The following EPM2A variants were observed in gnomAD, a reference collection of about 807,000 sequenced individuals.
EPM2A encodes the protein EPM2A glucan phosphatase, laforin.
In EPM2A, 21 loss-of-function variants were observed where a neutral mutation model predicts 26.5. That is an observed-to-expected ratio of 0.79 (90% CI 0.56 to 1.14). The LOEUF is 1.14. EPM2A is among the 50% of genes most tolerant of loss of function. EPM2A has a pLI of 0.00. For missense variants in EPM2A, 458 were observed against 440.8 expected (o/e 1.04, Z -0.35); for synonymous variants, 217 against 177.6 (o/e 1.22, Z -1.76).
intron 2 of EPM2A, among the ~76,000 whole-genome samples, chr6:145,581,154 C>T (rs905344486): frequency 1.3e-5 from 2 of 152,158 alleles, no homozygotes; most frequent in African/African-American, 2.4e-5. Context: ...ATTGCAACCT[C>T]ACTAACTTCT....
chr6:145,395,206 C>T (rs1047986032), intron 4 of EPM2A, among the ~76,000 whole-genome samples: 1 of 152,150 alleles, frequency 6.6e-6, no homozygotes, highest in African/African-American at 2.4e-5. Context: ...TCTTTAATGG[C>T]ACAACCTCTA....
chr6:145,493,832 A>C lies in EPM2A; in HGVS notation c.555+8690T>G, dbSNP rs148399099. Among the ~76,000 whole-genome samples the C allele has an allele frequency of 2.3e-3, 343 of 152,338 alleles. 1 individual carries two copies. The highest frequency in any genetic ancestry group is 8.0e-3 in the African/African-American group (331 of 41,580). On this transcript the variant is annotated intron_variant, in intron 4 of 4. Coordinates refer to the EPM2A transcript ENST00000638717. ...AACCAACCTTGCATCCCAAGGATGA[A>C]GCCTAGCTCATCATGGTGGATAAAC... is the stretch of plus-strand genomic sequence containing the variant.
intron 2 of EPM2A, among the ~76,000 whole-genome samples, chr6:145,613,803 G>T (rs1236266661): frequency 6.6e-6 from 1 of 152,124 alleles, no homozygotes; most frequent in African/African-American, 2.4e-5. Context: ...TGTCCTCCAA[G>T]ATTTGTTGTT....
At chr6:145,455,605 G>A (rs1440504358) in intron 4 of EPM2A, among the ~76,000 whole-genome samples, 13 of 152,110 alleles carry the variant, frequency 8.5e-5, no homozygotes, top group Admixed American at 2.6e-4. Flanking sequence ...TGATCCACCC[G>A]CCTCGGCATC....
intron 2 of EPM2A, among the ~76,000 whole-genome samples, chr6:145,580,464 T>C (rs138867487): frequency 2.6e-5 from 4 of 151,942 alleles, no homozygotes; most frequent in Admixed American, 2.6e-4. Context: ...TTTTACTATA[T>C]CTGAATTCAT....
chr6:145,392,170 ATTAG>A (rs1306423905), intron 4 of EPM2A, among the ~76,000 whole-genome samples: 2 of 152,320 alleles, frequency 1.3e-5, no homozygotes, highest in African/African-American at 4.8e-5. Context: ...ACATGCTTAA[ATTAG>A]TTTGTTTATT....
intron 2 of EPM2A, chr6:145,635,864 A>C (rs563901095): frequency 2.5e-4 from 49 of 193,530 alleles, no homozygotes; most frequent in Middle Eastern, 4.7e-3. Context: ...TAATTATATA[A>C]ATAAATTCTG....
chr6:145,682,758 C>G (rs966287965), intron 2 of EPM2A: 5 of 152,048 alleles, frequency 3.3e-5, no homozygotes, highest in African/African-American at 1.2e-4. Flanking sequence ...TTCTAAAAAG[C>G]CTCATCCTTA....
intron 2 of EPM2A, among the ~76,000 whole-genome samples, chr6:145,582,586 TA>T (rs907769630): frequency 6.6e-6 from 1 of 152,242 alleles, no homozygotes; most frequent in African/African-American, 2.4e-5. Context: ...GCCTTTAATA[TA>T]TTTTCTTTCA....
intron 2 of EPM2A, among the ~76,000 whole-genome samples, chr6:145,672,620 C>T (rs1381598744): frequency 6.6e-6 from 1 of 152,252 alleles, no homozygotes. Context: ...GAAACTTTCC[C>T]TCCCCAGTCC....
intron 1 of EPM2A, among the ~76,000 whole-genome samples, chr6:145,724,962 T>A (rs1379799095): frequency 6.6e-6 from 1 of 151,708 alleles, no homozygotes; most frequent in Non-Finnish European, 1.5e-5. Flanking sequence ...AAAAGCATAA[T>A]CCATGAAAGA....
rs189095533 is a variant in EPM2A, at chr6:145,447,589, C to T, written c.555+54933G>A. Among the ~76,000 whole-genome samples the T allele has an allele frequency of 2.1e-3, 318 of 152,094 alleles. 3 individuals carry two copies. The highest frequency in any genetic ancestry group is 6.9e-3 in the African/African-American group (288 of 41,518). On this transcript the variant is annotated intron_variant, in intron 4 of 4. Coordinates refer to the EPM2A transcript ENST00000638717. ...TAAAAATGCTTAAAAATGTTAATGG[C>T]TCAACATTGTCTACAAGAATATACA...
At chr6:145,732,515 T>C (rs1776550769) in intron 1 of EPM2A, among the ~76,000 whole-genome samples, 1 of 151,854 alleles carries the variant, frequency 6.6e-6, no homozygotes, top group African/African-American at 2.4e-5. Flanking sequence ...TTCCAAGAAA[T>C]AAGCAATATG....
chr6:145,384,866 ACT>A lies in EPM2A; in HGVS notation c.556-771_556-770del, dbSNP rs936176186. Among the ~76,000 whole-genome samples, 7 of 147,824 alleles carry A rather than the reference ACT, an allele frequency of 4.7e-5. 1 individual carries two copies. The highest frequency in any genetic ancestry group is 1.8e-4 in the African/African-American group (7 of 39,896). On this transcript the variant is annotated intron_variant, in intron 4 of 4. Coordinates refer to the EPM2A transcript ENST00000638717. ...CATCATATTGGAAAGTCTAGAGTAAACTTTTTGAGGAAAATGTTTAAGAGATA... is the reference window on the plus strand; with the variant it reads ...CATCATATTGGAAAGTCTAGAGTAAATTTTGAGGAAAATGTTTAAGAGATA...
rs1778711751 is a variant in EPM2A, at chr6:145,416,649, C to T, written c.556-32552G>A. On this transcript the variant is annotated intron_variant, in intron 4 of 4. Transcript: ENST00000638717. ...CAGTTTGCACATGGCAGCTTTTAGCCTAGATAAGGGTATTTATATTCCAGA... is the reference window on the plus strand; with the variant it reads ...CAGTTTGCACATGGCAGCTTTTAGCTTAGATAAGGGTATTTATATTCCAGA... Among the ~76,000 whole-genome samples the T allele has an allele frequency of 2.0e-5, 3 of 152,244 alleles. No individual in the cohort carries two copies. The South Asian group carries it at 6.2e-4, about 32-fold the overall frequency.
chr6:145,384,338 A>AAAAATAAAAAAAG lies in EPM2A; in HGVS notation c.556-242_556-241insCTTTTTTTATTTT, dbSNP rs1397091010. Among the ~76,000 whole-genome samples the AAAAATAAAAAAAG allele has an allele frequency of 5.3e-4, 79 of 149,912 alleles. 1 individual carries two copies. Among genetic ancestry groups the AAAAATAAAAAAAG allele is most frequent in the African/African-American group, 8.6e-4 (35 of 40,744 alleles). On this transcript the variant is annotated intron_variant, in intron 4 of 4. Transcript: ENST00000638717. ...TTGCTTTAACAAGATGGCTGTTGTAAGTTGGATTTCTGGGAAAGCAGCCTC... is the reference window on the plus strand; with the variant it reads ...TTGCTTTAACAAGATGGCTGTTGTAAAAAATAAAAAAAGGTTGGATTTCTGGGAAAGCAGCCTC...
intron 4 of EPM2A, among the ~76,000 whole-genome samples, chr6:145,464,249 A>G (rs1779359532): frequency 6.6e-6 from 1 of 152,130 alleles, no homozygotes; most frequent in South Asian, 2.1e-4. Flanking sequence ...GCCACCATGT[A>G]AGACATGCCT....
intron 4 of EPM2A, among the ~76,000 whole-genome samples, chr6:145,455,108 A>T (rs79615156): frequency 5.3e-5 from 8 of 151,854 alleles, no homozygotes; most frequent in African/African-American, 1.9e-4. Context: ...AGAGATATTG[A>T]CTCTAAATAT....
chr6:145,505,009 A>G (rs1334084323), intron 2 of EPM2A, among the ~76,000 whole-genome samples: 3 of 119,878 alleles, frequency 2.5e-5, no homozygotes, highest in African/African-American at 9.5e-5. Context: ...AAAACCAAAC[A>G]CCGCATATTC....
Sources: gnomAD v4.1 joint callset for allele counts (sites outside exome capture counted in the v4.1 genomes callset) on GRCh38, gnomAD v4.1.1 for gene constraint, MANE v1.5 for transcripts, NCBI Gene and HGNC (gene_info 2026-07-23, HGNC 2026-07-21) for gene names.